The following KCNMA1 variants were observed in gnomAD, a reference collection of about 807,000 sequenced individuals.
The protein encoded by KCNMA1 is potassium calcium-activated channel subfamily M alpha 1, also known as Calcium-activated potassium channel subunit alpha-1.
Under a neutral mutation model 140.0 loss-of-function variants are expected in KCNMA1, and 29 were observed. The ratio of observed to expected loss-of-function variants is 0.21; its 90% CI spans 0.15 to 0.28. The LOEUF is 0.28. Among genes scored for constraint, KCNMA1 ranks in the 10% least tolerant of loss-of-function variants. KCNMA1 has a pLI of 1.00. For synonymous variants in KCNMA1, 612 were observed against 611.9 expected (o/e 1.00, Z 0.00); for missense variants, 880 against 1,602.2 (o/e 0.55, Z 7.70).
At chr10:77,219,382 T>C (rs1242190585) in intron 3 of KCNMA1, among the ~76,000 whole-genome samples, 8 of 152,276 alleles carry the variant, frequency 5.3e-5, no homozygotes, top group South Asian at 2.1e-4. Context: ...AGGCTCACTC[T>C]GCTTAAACTA....
chr10:77,182,505 G>T (rs1044303674), intron 5 of KCNMA1, among the ~76,000 whole-genome samples: 4 of 152,220 alleles, frequency 2.6e-5, no homozygotes, highest in Non-Finnish European at 4.4e-5. Context: ...AACCGTGGGT[G>T]TCTAAAGGAG....
chr10:76,999,646 A>AG (rs2085533261), intron 19 of KCNMA1, among the ~76,000 whole-genome samples: 1 of 152,202 alleles, frequency 6.6e-6, no homozygotes, highest in Admixed American at 6.5e-5. Flanking sequence ...ATAACTCTTC[A>AG]GGGGAAAATA....
intron 1 of KCNMA1, among the ~76,000 whole-genome samples, chr10:77,584,993 G>A (rs961637087): frequency 5.3e-5 from 8 of 152,208 alleles, no homozygotes; most frequent in Non-Finnish European, 7.3e-5. Flanking sequence ...CTTTGCTCAC[G>A]TTCTTCTCTG....
intron 3 of KCNMA1, among the ~76,000 whole-genome samples, chr10:77,237,668 G>T (rs1039496899): frequency 1.3e-5 from 2 of 151,970 alleles, no homozygotes; most frequent in Non-Finnish European, 2.9e-5. Flanking sequence ...GCCCAGGCTG[G>T]TCTTGAACTC....
In KCNMA1 at chr10:76,987,753, T is replaced by C. The variant is rs559954770; in HGVS notation, c.2266+13654A>G. Among the ~76,000 whole-genome samples, 285 of 152,288 alleles carry C rather than the reference T, an allele frequency of 1.9e-3. 2 individuals are homozygous for C. Among genetic ancestry groups the C allele is most frequent in the Middle Eastern group, 3.4e-3 (1 of 294 alleles). On this transcript the variant is annotated intron_variant, in intron 19 of 27. Transcript: ENST00000286628. ...ACGCTTCTAGAGAATTGTTAGATGA[T>C]GGATGCTTATGTGGAGAACGGAACT...
At chr10:77,280,593 C>A (rs2068163284) in intron 2 of KCNMA1, among the ~76,000 whole-genome samples, 2 of 152,152 alleles carry the variant, frequency 1.3e-5, no homozygotes, top group African/African-American at 4.8e-5. Context: ...GTGGCACAAT[C>A]ATGGCTCACT....
At chr10:77,548,832 C>G (rs781715228) in intron 1 of KCNMA1, among the ~76,000 whole-genome samples, 5 of 152,244 alleles carry the variant, frequency 3.3e-5, no homozygotes, top group Admixed American at 6.5e-5. Context: ...TATTGGGCAT[C>G]TACTATGAGT....
intron 5 of KCNMA1, among the ~76,000 whole-genome samples, chr10:77,130,860 T>C (rs2097845034): frequency 6.6e-6 from 1 of 152,144 alleles, no homozygotes; most frequent in African/African-American, 2.4e-5. Context: ...ATTTCCATAA[T>C]GAGAAAGAAA....
chr10:76,910,585 C>A, intron 24 of KCNMA1: 1 of 255,020 alleles, frequency 3.9e-6, no homozygotes, highest in South Asian at 5.3e-5. Context: ...CAGCCACAGG[C>A]ATAACCCGCA....
intron 2 of KCNMA1, among the ~76,000 whole-genome samples, chr10:77,283,434 T>C (rs1403836152): frequency 1.3e-5 from 2 of 152,166 alleles, no homozygotes; most frequent in Non-Finnish European, 2.9e-5. Flanking sequence ...GTCCCACAGC[T>C]AACCAAGATG....
At chr10:77,102,706 C>T (rs1310263021) in intron 9 of KCNMA1, among the ~76,000 whole-genome samples, 4 of 152,190 alleles carry the variant, frequency 2.6e-5, no homozygotes, top group Admixed American at 1.3e-4. Context: ...ATTGAACAAG[C>T]GTTAGTTAGC....
intron 2 of KCNMA1, among the ~76,000 whole-genome samples, chr10:77,295,906 T>C (rs2074977790): frequency 6.8e-6 from 1 of 147,564 alleles, no homozygotes; most frequent in South Asian, 2.1e-4. Flanking sequence ...ACAAATTAAC[T>C]TTTTTTTATT....
At chr10:77,252,606 A>ACACC (rs1296449720) in intron 2 of KCNMA1, among the ~76,000 whole-genome samples, 1 of 150,616 alleles carries the variant, frequency 6.6e-6, no homozygotes, top group African/African-American at 2.5e-5. Flanking sequence ...TCTCTCTTTT[A>ACACC]CACCCACCCA....
At chr10:76,999,719 G>A (rs2085563456) in intron 19 of KCNMA1, among the ~76,000 whole-genome samples, 1 of 152,122 alleles carries the variant, frequency 6.6e-6, no homozygotes, top group Non-Finnish European at 1.5e-5. Flanking sequence ...CAAGATTTTA[G>A]GCCCATATGG....
chr10:77,491,695 G>A (rs1035226028), intron 1 of KCNMA1, among the ~76,000 whole-genome samples: 1 of 147,374 alleles, frequency 6.8e-6, no homozygotes, highest in Non-Finnish European at 1.5e-5. Flanking sequence ...ACCCTGGGGG[G>A]AAATGGGTTT....
At chr10:77,142,805 C>T (rs2098209569) in intron 5 of KCNMA1, among the ~76,000 whole-genome samples, 1 of 152,088 alleles carries the variant, frequency 6.6e-6, no homozygotes. Context: ...TATTATGTCT[C>T]CAAAACTTGA....
At chr10:77,520,542 C>G (rs2053011094) in intron 1 of KCNMA1, among the ~76,000 whole-genome samples, 2 of 152,004 alleles carry the variant, frequency 1.3e-5, no homozygotes, top group African/African-American at 4.8e-5. Flanking sequence ...TTGTCTTTAT[C>G]ATTAATGTAA....
intron 1 of KCNMA1, among the ~76,000 whole-genome samples, chr10:77,514,080 G>T (rs1045642663): frequency 3.3e-5 from 5 of 152,220 alleles, no homozygotes; most frequent in Non-Finnish European, 7.3e-5. Context: ...CAATTTGCCC[G>T]CCTGGCACCT....
chr10:77,305,431 C>A (rs1820830840), intron 2 of KCNMA1, among the ~76,000 whole-genome samples: 1 of 152,116 alleles, frequency 6.6e-6, no homozygotes, highest in African/African-American at 2.4e-5. Context: ...AAAGTAACAA[C>A]AACAATGAAA....
Sources: gnomAD v4.1 joint callset for allele counts (sites outside exome capture counted in the v4.1 genomes callset) on GRCh38, gnomAD v4.1.1 for gene constraint, MANE v1.5 for transcripts, NCBI Gene and HGNC (gene_info 2026-07-23, HGNC 2026-07-21) for gene names.